RPL15: variants seen among roughly 807,000 people sequenced by gnomAD.
RPL15 encodes the protein large ribosomal subunit protein eL15.
For synonymous variants in RPL15, 97 were observed against 95.1 expected (o/e 1.02, Z -0.12); for missense variants, 161 against 271.8 (o/e 0.59, Z 2.87).
rs1704957555 is a variant in RPL15 at position 23,919,596 on chromosome 3, G to C, written c.*95G>C. ...ATTTGTCTGTTAAAACTAGTCTGCAGATGTTTCTTGAATGCTTTGTCAAAT... is the reference window on the plus strand; with the variant it reads ...ATTTGTCTGTTAAAACTAGTCTGCACATGTTTCTTGAATGCTTTGTCAAAT... On this transcript the variant is annotated 3_prime_UTR_variant, in exon 4 of 4. Transcript: ENST00000307839. 4 of 1,425,244 alleles carry C rather than the reference G, an allele frequency of 2.8e-6. No homozygotes were observed. In the Admixed American group the frequency reaches 8.7e-5, roughly 31 times the overall value. 88.3% of individuals were successfully genotyped at this position (1,425,244 alleles called of 1,614,324 possible).
chr3:23,920,221 C>A lies in RPL15; in HGVS notation c.*720C>A. The A allele has an allele frequency of 1.0e-6, 1 of 985,786 alleles. No homozygotes were observed. Among genetic ancestry groups the A allele is most frequent in the Non-Finnish European group, 1.2e-6 (1 of 829,900 alleles). The allele number at this position is 985,786 out of a possible 1,614,324, so 61.1% of individuals were successfully genotyped here. On this transcript the variant is annotated 3_prime_UTR_variant, in exon 4 of 4. Coordinates refer to ENST00000307839, the MANE Select transcript of RPL15 (RefSeq NM_002948.5). The stretch of plus-strand genomic sequence containing the variant: ...TAGACGTCAACCCTAAAATACTTAA[C>A]CGTAATGCTAATTGTGATCATTATG...
At chr3:23,917,651 G>A in intron 1 of RPL15, 199 bp from the exon 2 acceptor site, 2 of 572,312 alleles carry the variant, frequency 3.5e-6, no homozygotes, top group East Asian at 3.1e-5. Context: ...ACCGCTCTGT[G>A]CTGGGGTTGC....
At chr3:23,918,633 G>C (rs1704853923) in intron 3 of RPL15, 57 bp downstream of exon 3, 1 of 1,571,188 alleles carries the variant, frequency 6.4e-7, no homozygotes, top group Non-Finnish European at 8.6e-7. Flanking sequence ...GTGGGAGAGA[G>C]AGATTAAGCA....
chr3:23,923,862 G>C (rs950783681), downstream of RPL15: 2 of 152,192 alleles, frequency 1.3e-5, no homozygotes, highest in African/African-American at 2.4e-5. Flanking sequence ...CTGCCAGTCT[G>C]TTAGGGGGAA....
rs1704976155 is a variant in RPL15 at position 23,919,891 on chromosome 3, G to A, written c.*390G>A. On this transcript the variant is annotated 3_prime_UTR_variant, in exon 4 of 4. Coordinates refer to ENST00000307839, the MANE Select transcript of RPL15 (RefSeq NM_002948.5). Reference sequence around the variant, plus strand: ...TGCTGGTTTATTTTCAAGTGGCTGCGTTTTTTTTAGTTTGGCAGGTGTAGA... The same window carrying A: ...TGCTGGTTTATTTTCAAGTGGCTGCATTTTTTTTAGTTTGGCAGGTGTAGA... 7 of 993,570 alleles carry A rather than the reference G, an allele frequency of 7.0e-6. No homozygotes were observed. Among genetic ancestry groups the A allele is most frequent in the South Asian group, 4.6e-5 (1 of 21,600 alleles). The allele number at this position is 993,570 out of a possible 1,614,324, so 61.5% of individuals were successfully genotyped here. A position where few individuals can be genotyped will look rare whatever the true frequency, so the allele number is the denominator to read the frequency against.
downstream of RPL15, chr3:23,923,277 G>GT (rs1705147733): frequency 6.9e-6 from 1 of 145,176 alleles, no homozygotes; most frequent in Non-Finnish European, 1.5e-5. Context: ...TTGGAGTACA[G>GT]TAACACAATC....
At chr3:23,921,757 TAG>T (rs1199726757), downstream of RPL15, 1 of 604,906 alleles carries the variant, frequency 1.7e-6, no homozygotes, top group African/African-American at 1.9e-5. Context: ...GTATTTTTAG[TAG>T]AGACTGGGTT....
chr3:23,924,143 CA>C (rs768633525), downstream of RPL15: 1 of 152,232 alleles, frequency 6.6e-6, no homozygotes, highest in Non-Finnish European at 1.5e-5. Flanking sequence ...CCGCATCAGA[CA>C]GCATGAGTGG....
chr3:23,918,807 A>G lies in RPL15; in HGVS notation c.309+231A>G, dbSNP rs1459094104. ...GAACCTAAGCTTTAAAGCGGCAAGA[A>G]TATGCAGAAGAGACCAAATGTGGCC... On this transcript the variant is annotated intron_variant, in intron 3 of 3. Coordinates refer to ENST00000307839, the MANE Select transcript of RPL15 (RefSeq NM_002948.5). 1.0e-5 allele frequency: 6 copies of G among 582,452 alleles called. No homozygotes were observed. The East Asian group carries it at 1.8e-4, about 17-fold the overall frequency. 36.1% of individuals were successfully genotyped at this position (582,452 alleles called of 1,614,324 possible).
At chr3:23,923,250 T>G (rs1705146536), downstream of RPL15, 1 of 150,822 alleles carries the variant, frequency 6.6e-6, no homozygotes, top group African/African-American at 2.4e-5. Context: ...GATGTAGTTT[T>G]GCTCTTATAG....
chr3:23,918,319 C>T (rs1704806391), intron 2 of RPL15, 121 bp from the exon 3 acceptor site: 2 of 1,185,718 alleles, frequency 1.7e-6, no homozygotes, highest in Non-Finnish European at 2.3e-6. Context: ...TTATTTTTTT[C>T]TATTAGATAG....
At chr3:23,918,993 G>C (rs530973975) in intron 3 of RPL15, 4 of 596,614 alleles carry the variant, frequency 6.7e-6, no homozygotes, top group Non-Finnish European at 1.2e-5. Flanking sequence ...GGAATGATGT[G>C]TTTCAGTCTA....
chr3:23,921,570 G>GTTGTTTTTTTTT, downstream of RPL15: 13 of 508,318 alleles, frequency 2.6e-5, 3 homozygotes, highest in Admixed American at 1.3e-4. Flanking sequence ...TGATTATTGA[G>GTTGTTTTTTTTT]TTTTTTTTTT....
At chr3:23,921,349 T>C (rs76525721), downstream of RPL15, among the ~76,000 whole-genome samples, 3,529 of 152,270 alleles carry the variant, frequency 0.023, 157 homozygotes, top group African/African-American at 0.08. Flanking sequence ...CTTCCCACTT[T>C]ATGTGTGACC....
At chr3:23,918,132 A>T in intron 2 of RPL15, 101 bp downstream of exon 2, 2 of 1,423,718 alleles carry the variant, frequency 1.4e-6, no homozygotes, top group South Asian at 1.4e-5. Flanking sequence ...CTTTCTTCGC[A>T]TAGGGCTTTG....
chr3:23,917,723 A>G lies in RPL15; in HGVS notation c.-10-127A>G, dbSNP rs543517797. 18 of 929,930 alleles carry G rather than the reference A, an allele frequency of 1.9e-5. No individual in the cohort carries two copies. In the East Asian group the frequency reaches 3.0e-4, roughly 15 times the overall value. 57.6% of individuals were successfully genotyped at this position (929,930 alleles called of 1,614,324 possible). ...GGGGGTTGGGCTAGCTGTCCCCGGC[A>G]GTTGGTGCAGAGCCATTTTCATTCC... is the stretch of plus-strand genomic sequence containing the variant. On this transcript the variant is annotated intron_variant, in intron 1 of 3. Transcript: ENST00000307839.
In RPL15 at chr3:23,920,689, A is replaced by T. The variant is rs1336169995; in HGVS notation, c.*1188A>T. 2 of 985,218 alleles carry T rather than the reference A, an allele frequency of 2.0e-6. No individual in the cohort carries two copies. Among genetic ancestry groups the T allele is most frequent in the Non-Finnish European group, 2.4e-6 (2 of 829,796 alleles). 61.0% of individuals were successfully genotyped at this position (985,218 alleles called of 1,614,324 possible). ...CTATCTTCTCTAGGGGTTTCAAAAG[A>T]CTCAGTTAATTGATTTCCAGGAAGT... On this transcript the variant is annotated 3_prime_UTR_variant, in exon 4 of 4. Transcript: ENST00000307839.
intron 1 of RPL15, 47 bp downstream of exon 1, chr3:23,917,220 C>T (rs1704642679): frequency 1.3e-5 from 2 of 152,848 alleles, no homozygotes; most frequent in East Asian, 3.8e-4. Flanking sequence ...CTTTGATCGT[C>T]TTCCTCTTCA....
Position 23,920,483 on chromosome 3 carries a change from C to G in RPL15, c.*982C>G, listed in dbSNP as rs960537200. The G allele has an allele frequency of 1.0e-6, 1 of 985,148 alleles. No individual in the cohort carries two copies. Among genetic ancestry groups the G allele is most frequent in the African/African-American group, 1.7e-5 (1 of 57,228 alleles). The allele number at this position is 985,148 out of a possible 1,614,324, so 61.0% of individuals were successfully genotyped here. On this transcript the variant is annotated 3_prime_UTR_variant, in exon 4 of 4. Coordinates refer to ENST00000307839, the MANE Select transcript of RPL15 (RefSeq NM_002948.5). Reference sequence around the variant, plus strand: ...AAAGTTGGACCATCACTTGTGCACCCACTTTGACTATGAGTATACCACCAC... The same window carrying G: ...AAAGTTGGACCATCACTTGTGCACCGACTTTGACTATGAGTATACCACCAC...
Sources: allele counts gnomAD v4.1 joint callset (sites outside exome capture counted in the v4.1 genomes callset), GRCh38; gene constraint gnomAD v4.1.1; transcripts MANE v1.5; gene names NCBI Gene and HGNC (gene_info 2026-07-23, HGNC 2026-07-21).